Variants in CSMD1 observed in about 807,000 individuals in gnomAD.
CSMD1 encodes the protein CUB and sushi domain-containing protein 1.
Under a neutral mutation model 417.5 loss-of-function variants are expected in CSMD1, and 213 were observed. The ratio of observed to expected loss-of-function variants is 0.51; its 90% confidence interval spans 0.46 to 0.57. The LOEUF (loss-of-function observed/expected upper bound fraction) is 0.57, where lower values mean the gene tolerates loss of function less well. Ranked by LOEUF, CSMD1 falls within the 20% of genes least tolerant of loss-of-function variation. CSMD1 has a pLI of 0.00. For missense variants in CSMD1, 6,923 were observed against 4,529.7 expected (o/e 1.53, Z -15.17); for synonymous variants, 2,862 against 1,736.8 (o/e 1.65, Z -16.11).
rs115667728 is a variant in CSMD1 at position 3,938,657 on chromosome 8, G to A, written c.818+59246C>T. 7.9e-3 allele frequency among the ~76,000 whole-genome samples: 1,201 copies of A among 152,298 alleles called. 18 individuals carry two copies. The highest frequency in any genetic ancestry group is 0.027 in the African/African-American group (1,125 of 41,570). ...GCAGGTCACTGCAAGTCTCTTTGAA[G>A]TCTGCTTCTGTTAATTACTTTGAAT... On this transcript the variant is annotated intron_variant, in intron 5 of 69. Transcript: ENST00000635120.
chr8:4,217,056 G>A (rs1025464747), intron 3 of CSMD1, among the ~76,000 whole-genome samples: 4 of 152,132 alleles, frequency 2.6e-5, no homozygotes, highest in African/African-American at 9.7e-5. Context: ...ATTAAATCAG[G>A]TAGTGTCCTG....
chr8:3,756,331 C>T (rs542833209), intron 5 of CSMD1, among the ~76,000 whole-genome samples: 49 of 140,606 alleles, frequency 3.5e-4, no homozygotes, highest in African/African-American at 1.2e-3. Context: ...CCACCCTGGG[C>T]AACACACTGA....
intron 10 of CSMD1, among the ~76,000 whole-genome samples, chr8:3,567,888 C>T (rs535431058): frequency 6.6e-6 from 1 of 152,128 alleles, no homozygotes; most frequent in Non-Finnish European, 1.5e-5. Flanking sequence ...CATCACTCTC[C>T]TTCTTCCTTC....
intron 3 of CSMD1, among the ~76,000 whole-genome samples, chr8:4,402,091 C>A (rs959891085): frequency 5.3e-5 from 8 of 152,050 alleles, no homozygotes; most frequent in African/African-American, 1.9e-4. Flanking sequence ...TTCTCAACCT[C>A]CTCCCCTTCC....
intron 5 of CSMD1, among the ~76,000 whole-genome samples, chr8:3,889,037 C>G (rs1806764770): frequency 6.6e-6 from 1 of 152,016 alleles, no homozygotes; most frequent in African/African-American, 2.4e-5. Flanking sequence ...CCATTTCATA[C>G]AATTCTTAAA....
intron 23 of CSMD1, among the ~76,000 whole-genome samples, chr8:3,336,377 C>T (rs891205526): frequency 6.6e-6 from 1 of 152,204 alleles, no homozygotes; most frequent in African/African-American, 2.4e-5. Flanking sequence ...TAGCCTTTTT[C>T]ATGACCCCTG....
At chr8:3,773,355 C>G (rs1425925814) in intron 5 of CSMD1, among the ~76,000 whole-genome samples, 2 of 152,302 alleles carry the variant, frequency 1.3e-5, no homozygotes, top group Admixed American at 6.5e-5. Context: ...GCACTCTCAG[C>G]TCACTGTAGC....
chr8:4,063,983 G>A (rs1370456661), intron 3 of CSMD1, among the ~76,000 whole-genome samples: 7 of 152,100 alleles, frequency 4.6e-5, no homozygotes, highest in Non-Finnish European at 1.0e-4. Context: ...TGTGTGTTGG[G>A]AAAATGGGGA....
At chr8:3,837,773 T>C (rs985341547) in intron 5 of CSMD1, among the ~76,000 whole-genome samples, 2 of 151,404 alleles carry the variant, frequency 1.3e-5, no homozygotes, top group Non-Finnish European at 3.0e-5. Flanking sequence ...GTTCCATCTT[T>C]GTTTTCTCAG....
At chr8:3,975,750 T>C (rs1266917054) in intron 5 of CSMD1, among the ~76,000 whole-genome samples, 1 of 152,074 alleles carries the variant, frequency 6.6e-6, no homozygotes, top group Non-Finnish European at 1.5e-5. Context: ...AAACAGAAAA[T>C]GTCATGTCCA....
At position 2,965,867 on chromosome 8, in the gene CSMD1, C is replaced by T; in HGVS notation, c.9188G>A (p.Cys3063Tyr). ...TGCTTCCATGACATAGCCTGGGTTA[C>T]ACTGATAGCTCACAGTCTTGTTGAA... ...FTFNKTVSYQ[C>Y]NPGYVMEAVT... is the part of the protein sequence containing the mutation. Residue 3063 changes from cysteine (C) to tyrosine (Y), a missense_variant, in exon 59 of 70, where the codon TGT becomes TAT. Physicochemically the swap from Cys to Tyr is radical, Grantham distance 194. Transcript: ENST00000635120. 6.2e-7 allele frequency: 1 copy of T among 1,609,948 alleles called. No individual in the cohort carries two copies. Among genetic ancestry groups the T allele is most frequent in the South Asian group, 1.1e-5 (1 of 89,962 alleles).
chr8:3,300,012 G>A (rs555588661), intron 25 of CSMD1, among the ~76,000 whole-genome samples: 7 of 152,224 alleles, frequency 4.6e-5, no homozygotes, highest in Middle Eastern at 3.4e-3. Flanking sequence ...GGTGACACAC[G>A]GGGAGGATGG....
At chr8:3,510,319 A>C (rs1463805301) in intron 10 of CSMD1, among the ~76,000 whole-genome samples, 1 of 151,768 alleles carries the variant, frequency 6.6e-6, no homozygotes, top group South Asian at 2.1e-4. Context: ...CATTCCCGTC[A>C]CAGGAAAGAG....
intron 26 of CSMD1, among the ~76,000 whole-genome samples, chr8:3,244,480 G>T (rs1045917037): frequency 2.0e-5 from 3 of 152,136 alleles, no homozygotes; most frequent in African/African-American, 7.2e-5. Flanking sequence ...GTCTTTCCAG[G>T]AAGAAAGGAA....
chr8:4,697,178 A>C (rs947389383), intron 1 of CSMD1, among the ~76,000 whole-genome samples: 1 of 152,150 alleles, frequency 6.6e-6, no homozygotes, highest in Non-Finnish European at 1.5e-5. Flanking sequence ...TCTCAAAAAA[A>C]TAATAATAAA....
At chr8:3,853,468 G>C (rs990949269) in intron 5 of CSMD1, among the ~76,000 whole-genome samples, 4 of 152,110 alleles carry the variant, frequency 2.6e-5, no homozygotes. Context: ...GTGAAGGCAA[G>C]GATCTTTGTC....
chr8:4,360,022 C>G (rs1399594329), intron 3 of CSMD1, among the ~76,000 whole-genome samples: 1 of 152,218 alleles, frequency 6.6e-6, no homozygotes, highest in Non-Finnish European at 1.5e-5. Flanking sequence ...TTCCAGCTCT[C>G]TTCCCTGTCC....
intron 3 of CSMD1, among the ~76,000 whole-genome samples, chr8:4,201,326 C>A (rs917201936): frequency 6.6e-6 from 1 of 152,008 alleles, no homozygotes; most frequent in African/African-American, 2.4e-5. Flanking sequence ...ATCACGAGGT[C>A]AGGAGATCGA....
intron 3 of CSMD1, among the ~76,000 whole-genome samples, chr8:4,160,365 A>C (rs1797080269): frequency 6.6e-6 from 1 of 152,226 alleles, no homozygotes; most frequent in Non-Finnish European, 1.5e-5. Flanking sequence ...TAATGAAGCC[A>C]ACTTTGGAAA....
Sources: allele counts gnomAD v4.1 joint callset (sites outside exome capture counted in the v4.1 genomes callset), GRCh38; gene constraint gnomAD v4.1.1; transcripts MANE v1.5; gene names NCBI Gene and HGNC (gene_info 2026-07-23, HGNC 2026-07-21).